Variants in SCAMP1 observed in about 807,000 individuals in gnomAD.
SCAMP1 encodes secretory carrier membrane protein 1, also known as secretory carrier-associated membrane protein 1.
A neutral mutation model predicts 41.8 loss-of-function variants in SCAMP1; 15 were observed. The ratio of observed to expected loss-of-function variants is 0.36; its 90% confidence interval spans 0.24 to 0.55. The LOEUF (loss-of-function observed/expected upper bound fraction) is 0.55, where lower values mean the gene tolerates loss of function less well. Among genes scored for constraint, SCAMP1 ranks in the 20% least tolerant of loss-of-function variants. The pLI, the probability that SCAMP1 is intolerant of heterozygous loss-of-function variation, is 0.86. For synonymous variants in SCAMP1, 135 were observed against 136.8 expected (o/e 0.99, Z 0.09); for missense variants, 341 against 412.6 (o/e 0.83, Z 1.50).
chr5:78,425,486 T>C (rs1752446376), intron 6 of SCAMP1, among the ~76,000 whole-genome samples: 1 of 152,224 alleles, frequency 6.6e-6, no homozygotes, highest in Non-Finnish European at 1.5e-5. Context: ...TTTTTTTAGC[T>C]TGTAGAGAAT....
rs111653978 is a variant in SCAMP1, at chr5:78,396,232, C to T, written c.135+7318C>T. Among the ~76,000 whole-genome samples, 277 of 152,140 alleles carry T rather than the reference C, an allele frequency of 1.8e-3. 1 individual carries two copies. The highest frequency in any genetic ancestry group is 5.9e-3 in the African/African-American group (243 of 41,516). The stretch of plus-strand genomic sequence containing the variant: ...GAATGTACAACACCAAGAGTGAACC[C>T]TAATGTAAACTGTGGATTTGGGTGA... On this transcript the variant is annotated intron_variant, in intron 2 of 8. Transcript: ENST00000621999.
intron 4 of SCAMP1, among the ~76,000 whole-genome samples, chr5:78,417,768 A>G (rs1333675718): frequency 6.6e-6 from 1 of 152,196 alleles, no homozygotes; most frequent in Non-Finnish European, 1.5e-5. Flanking sequence ...ACGAGTATTC[A>G]CTGCCGCTTC....
At chr5:78,389,431 C>A (rs1751431344) in intron 2 of SCAMP1, among the ~76,000 whole-genome samples, 1 of 151,948 alleles carries the variant, frequency 6.6e-6, no homozygotes, top group Non-Finnish European at 1.5e-5. Flanking sequence ...GTATTTTTTT[C>A]TTTTAAAAAT....
intron 2 of SCAMP1, among the ~76,000 whole-genome samples, chr5:78,400,350 G>T (rs1016468099): frequency 2.6e-5 from 4 of 152,050 alleles, no homozygotes; most frequent in African/African-American, 9.7e-5. Flanking sequence ...ACTGTTTTGG[G>T]TTTTTTGCCT....
At chr5:78,385,597 C>A (rs1396733385) in intron 1 of SCAMP1, among the ~76,000 whole-genome samples, 1 of 152,052 alleles carries the variant, frequency 6.6e-6, no homozygotes, top group Non-Finnish European at 1.5e-5. Flanking sequence ...ATGAACTTTC[C>A]TTTTAGCACC....
chr5:78,395,353 A>C (rs1751625663), intron 2 of SCAMP1, among the ~76,000 whole-genome samples: 1 of 152,206 alleles, frequency 6.6e-6, no homozygotes, highest in Admixed American at 6.5e-5. Context: ...GTATAGAGTC[A>C]AGAGAGACTG....
chr5:78,469,890 TAAAAAAAAAAAAAAAAAAAAAACAAA>T (rs1157479282), intron 8 of SCAMP1, among the ~76,000 whole-genome samples: 10 of 15,024 alleles, frequency 6.7e-4, no homozygotes, highest in Admixed American at 1.1e-3. Flanking sequence ...TACAAGACAT[TAAAAAAAAAAAAAAAAAAAAAACAAA>T]AAAAAAAAAA....
At chr5:78,417,888 T>C (rs1439488091) in intron 4 of SCAMP1, among the ~76,000 whole-genome samples, 4 of 152,206 alleles carry the variant, frequency 2.6e-5, no homozygotes, top group African/African-American at 9.7e-5. Flanking sequence ...TTATTGTTCT[T>C]TCTATAAAAA....
intron 6 of SCAMP1, among the ~76,000 whole-genome samples, chr5:78,435,172 C>T (rs1362521753): frequency 6.6e-6 from 1 of 152,026 alleles, no homozygotes; most frequent in Non-Finnish European, 1.5e-5. Context: ...AAAAGGAGAG[C>T]TTTATTTCTT....
chr5:78,428,167 C>T (rs1752513787), intron 6 of SCAMP1, among the ~76,000 whole-genome samples: 1 of 152,120 alleles, frequency 6.6e-6, no homozygotes, highest in South Asian at 2.1e-4. Context: ...TGTGGTTTAT[C>T]TCTTGTGTTT....
intron 8 of SCAMP1, among the ~76,000 whole-genome samples, chr5:78,469,899 A>T (rs1561290886): frequency 0.024 from 877 of 35,862 alleles, 28 homozygotes; most frequent in African/African-American, 0.14. Flanking sequence ...TTAAAAAAAA[A>T]AAAAAAAAAA....
chr5:78,398,541 A>ATTTT (rs57209214), intron 2 of SCAMP1, among the ~76,000 whole-genome samples: 1 of 44,226 alleles, frequency 2.3e-5, no homozygotes, highest in East Asian at 7.7e-4. Context: ...AAGGTTCACT[A>ATTTT]TTTTTTTTTT....
intron 1 of SCAMP1, among the ~76,000 whole-genome samples, chr5:78,382,626 G>A (rs946208520): frequency 2.0e-5 from 3 of 152,088 alleles, no homozygotes; most frequent in East Asian, 1.9e-4. Context: ...ATGCCTTTGT[G>A]TCCTCATAAC....
At chr5:78,391,104 T>C (rs866893505) in intron 2 of SCAMP1, among the ~76,000 whole-genome samples, 1 of 47,064 alleles carries the variant, frequency 2.1e-5, no homozygotes, top group Admixed American at 1.6e-4. Flanking sequence ...TCCCCACCTT[T>C]CCCCCCTTTC....
chr5:78,415,736 C>A, intron 3 of SCAMP1, 118 bp downstream of exon 3: 1 of 662,246 alleles, frequency 1.5e-6, no homozygotes, highest in Non-Finnish European at 2.6e-6. Context: ...TTTTAACTCA[C>A]TTTCAAGTCT....
At chr5:78,363,442 C>T (rs1013326903) in intron 1 of SCAMP1, among the ~76,000 whole-genome samples, 1 of 152,096 alleles carries the variant, frequency 6.6e-6, no homozygotes, top group South Asian at 2.1e-4. Flanking sequence ...ATCTCCTGAC[C>T]TCGTGATCTA....
At chr5:78,464,218 A>G (rs961487959) in intron 8 of SCAMP1, among the ~76,000 whole-genome samples, 8 of 151,844 alleles carry the variant, frequency 5.3e-5, no homozygotes, top group African/African-American at 1.9e-4. Flanking sequence ...ATCTCTGCTC[A>G]CTGCAGCCTC....
intron 6 of SCAMP1, among the ~76,000 whole-genome samples, chr5:78,431,974 A>C (rs1188556426): frequency 6.6e-6 from 1 of 152,090 alleles, no homozygotes; most frequent in Non-Finnish European, 1.5e-5. Flanking sequence ...CAAACAATTT[A>C]GTTATACTCT....
At chr5:78,419,488 A>G (rs1752288092) in intron 5 of SCAMP1, among the ~76,000 whole-genome samples, 1 of 152,218 alleles carries the variant, frequency 6.6e-6, no homozygotes, top group African/African-American at 2.4e-5. Context: ...CACTTTGAGT[A>G]TAATAACTCA....
Sources: allele counts gnomAD v4.1 joint callset (sites outside exome capture counted in the v4.1 genomes callset), GRCh38; gene constraint gnomAD v4.1.1; transcripts MANE v1.5; gene names NCBI Gene and HGNC (gene_info 2026-07-23, HGNC 2026-07-21).